The following P2RX5 variants were observed in gnomAD, a reference collection of about 807,000 sequenced individuals.
P2RX5 encodes the protein purinergic receptor P2X 5, also known as P2X purinoceptor 5.
A neutral mutation model predicts 54.1 loss-of-function variants in P2RX5; 46 were observed. The ratio of observed to expected loss-of-function variants is 0.85; its 90% CI spans 0.67 to 1.09. The LOEUF is 1.09. P2RX5 is among the 50% of genes least tolerant of loss of function. P2RX5 has a pLI of 0.00. For missense variants in P2RX5, 566 were observed against 549.8 expected, an observed-to-expected ratio of 1.03 and a Z score of -0.29; for synonymous variants, 226 against 226.4, an observed-to-expected ratio of 1.00 and a Z score of 0.02.
the P2RX5 span, among the ~76,000 whole-genome samples, chr17:3,706,630 G>A: frequency 6.6e-6 from 1 of 152,174 alleles, no homozygotes; most frequent in African/African-American, 2.4e-5. Context: ...TCCAAGCCAA[G>A]CTAGAGCGTC....
At chr17:3,712,987 A>C in the P2RX5 span, among the ~76,000 whole-genome samples, 1 of 151,944 alleles carries the variant, frequency 6.6e-6, no homozygotes, top group African/African-American at 2.4e-5. Context: ...AGATAAGATA[A>C]ACATTCAAAA....
chr17:3,701,746 G>GTT, the P2RX5 span, among the ~76,000 whole-genome samples: 49 of 106,402 alleles, frequency 4.6e-4, no homozygotes, highest in East Asian at 5.9e-4. Flanking sequence ...CATTTTCTCT[G>GTT]TTTTTTTTTT....
In P2RX5 at chr17:3,679,607, C is replaced by T. The variant is rs771421479; in HGVS notation, c.1242G>A (p.Gln414=). ...SQKGNGSVCP[Q]LLEPHRST is the part of the protein sequence containing the mutation. ...GGCCTCACCTGTGGGGCTCCAGGAGCTGTGGGCACACAGATCCGTTCCCCT... is the reference window on the plus strand; with the variant it reads ...GGCCTCACCTGTGGGGCTCCAGGAGTTGTGGGCACACAGATCCGTTCCCCT... The change falls in exon 11 of 12, where the codon CAG becomes CAA. Residue 414 remains glutamine (Q), a synonymous_variant. Transcript: ENST00000225328. The T allele has an allele frequency of 9.3e-6, 15 of 1,607,814 alleles. No individual in the cohort carries two copies. The highest frequency in any genetic ancestry group is 3.3e-4 in the Middle Eastern group (2 of 6,058).
the P2RX5 span, chr17:3,720,227 G>T: frequency 1.4e-6 from 1 of 704,784 alleles, no homozygotes; most frequent in South Asian, 1.6e-5. Context: ...CAGGAAGAGG[G>T]CAACAGAATG....
Position 3,691,709 on chromosome 17 carries a change from AG to A in P2RX5, c.222del (p.Phe75SerfsTer33), listed in dbSNP as rs1332536370. 1 of 1,614,208 alleles carries A rather than the reference AG, an allele frequency of 6.2e-7. No individual in the cohort carries two copies. Among genetic ancestry groups the A allele is most frequent in the East Asian group, 2.2e-5 (1 of 44,882 alleles). On this transcript the variant is annotated frameshift_variant, in exon 2 of 12. Transcript: ENST00000225328. LOFTEE classifies it high-confidence loss of function. ...TGCCCAAGATCCGAGGTGTTGGTGA[AG>A]GCCACGCCCTTGACTTTGGTGATGA... is the stretch of plus-strand genomic sequence containing the variant. ...SAVITKVKGV[A>X]FTNTSDLGQR...
In P2RX5 at chr17:3,690,825, C is replaced by A. The variant is rs1207057481; in HGVS notation, c.360+131G>T. 3 of 1,145,160 alleles carry A rather than the reference C, an allele frequency of 2.6e-6. No individual in the cohort carries two copies. The African/African-American group carries it at 4.6e-5, about 17-fold the overall frequency. 70.9% of individuals were successfully genotyped at this position (1,145,160 alleles called of 1,614,324 possible). A position where few individuals can be genotyped will look rare whatever the true frequency, so the allele number is the denominator to read the frequency against. On this transcript the variant is annotated intron_variant, in intron 3 of 11. Transcript: ENST00000225328. ...ACTTCTCCCCCATATAATGCAGGAA[C>A]CACACCCGGGTGCACACAGCCACCC...
the P2RX5 span, among the ~76,000 whole-genome samples, chr17:3,710,797 A>G: frequency 9.2e-5 from 14 of 152,106 alleles, no homozygotes; most frequent in East Asian, 1.9e-3. Context: ...GCGTGGCGGC[A>G]TGCACCTGCA....
chr17:3,689,529 C>T lies in P2RX5; in HGVS notation c.716G>A (p.Arg239His), dbSNP rs201713534. Residue 239 changes from arginine (R) to histidine (H), a missense_variant, in exon 7 of 12, where the codon CGC becomes CAC. Physicochemically the swap from Arg to His is conservative, Grantham distance 29. Transcript: ENST00000225328. ...ATCCTGGAAGTCGCTCCCGGCCCAG[C>T]GGATCACGGAGCCCAGTCGGAAGAT... is the stretch of plus-strand genomic sequence containing the variant. Reference protein sequence around the residue: ...CPIFRLGSVIRWAGSDFQDIA... With the variant: ...CPIFRLGSVIHWAGSDFQDIA... 12 of 1,614,034 alleles carry T rather than the reference C, an allele frequency of 7.4e-6. No individual in the cohort carries two copies. Among genetic ancestry groups the T allele is most frequent in the Middle Eastern group, 1.6e-4 (1 of 6,084 alleles).
chr17:3,688,386 C>T (rs77517893), intron 8 of P2RX5, among the ~76,000 whole-genome samples: 2 of 152,190 alleles, frequency 1.3e-5, no homozygotes, highest in Admixed American at 6.5e-5. Context: ...CGGCAGAGGC[C>T]GCAAGACTCG....
At chr17:3,679,132 CT>C (rs1238657829) in intron 11 of P2RX5, among the ~76,000 whole-genome samples, 2 of 152,224 alleles carry the variant, frequency 1.3e-5, no homozygotes, top group African/African-American at 4.8e-5. Context: ...CCTACAGACA[CT>C]GCCGGGATTC....
At chr17:3,719,900 G>T in the P2RX5 span, among the ~76,000 whole-genome samples, 1 of 151,896 alleles carries the variant, frequency 6.6e-6, no homozygotes, top group African/African-American at 2.4e-5. Flanking sequence ...GCTAATTTTT[G>T]TATTTTTGGT....
At chr17:3,715,980 C>T in the P2RX5 span, among the ~76,000 whole-genome samples, 1 of 152,048 alleles carries the variant, frequency 6.6e-6, no homozygotes. Context: ...TATGGTGAAA[C>T]CCCGTCTCTA....
upstream of P2RX5, among the ~76,000 whole-genome samples, chr17:3,698,650 T>C (rs1188404400): frequency 6.6e-6 from 1 of 152,146 alleles, no homozygotes; most frequent in East Asian, 1.9e-4. Flanking sequence ...ACTGTGGCTT[T>C]AGAGAAGGGC....
chr17:3,689,326 T>G (rs2050536158), intron 7 of P2RX5, among the ~76,000 whole-genome samples, 166 bp downstream of exon 7: 2 of 151,148 alleles, frequency 1.3e-5, no homozygotes, highest in Non-Finnish European at 3.0e-5. Flanking sequence ...TGCCACGGCC[T>G]GCCTGTGTGC....
intron 6 of P2RX5, 86 bp from the exon 7 acceptor site, chr17:3,689,716 C>T: frequency 6.4e-7 from 1 of 1,561,454 alleles, no homozygotes; most frequent in Non-Finnish European, 8.8e-7. Flanking sequence ...CCCTCACCAA[C>T]CTGAGTGCTG....
At chr17:3,694,230 G>GAAA (rs5818908) in intron 1 of P2RX5, among the ~76,000 whole-genome samples, 14 of 124,666 alleles carry the variant, frequency 1.1e-4, no homozygotes, top group Non-Finnish European at 1.6e-4. Context: ...AAAGAAGCCA[G>GAAA]AAAAAAAAAA....
In P2RX5 at chr17:3,695,787, T is replaced by A. The variant is rs570708982; in HGVS notation, c.137+82A>T. 16 of 1,565,970 alleles carry A rather than the reference T, an allele frequency of 1.0e-5. No homozygotes were observed. The African/African-American group carries it at 2.0e-4, about 20-fold the overall frequency. ...GAAAACCGCGTGCACGCCTGCGAAT[T>A]CCAGGACCCTGGAGAAGGACGCGGC... On this transcript the variant is annotated intron_variant, in intron 1 of 11. Transcript: ENST00000225328.
upstream of P2RX5, among the ~76,000 whole-genome samples, chr17:3,697,583 C>T (rs2050783620): frequency 6.6e-6 from 1 of 152,076 alleles, no homozygotes; most frequent in African/African-American, 2.4e-5. Flanking sequence ...GTAAAAGCCC[C>T]AAGGAAGGTG....
At chr17:3,705,895 G>C in the P2RX5 span, among the ~76,000 whole-genome samples, 2 of 151,718 alleles carry the variant, frequency 1.3e-5, no homozygotes, top group Non-Finnish European at 2.9e-5. Context: ...TCCTTGGGCT[G>C]AGGTGATCCT....
Sources: allele counts gnomAD v4.1 joint callset (sites outside exome capture counted in the v4.1 genomes callset), GRCh38; gene constraint gnomAD v4.1.1; transcripts MANE v1.5; gene names NCBI Gene and HGNC (gene_info 2026-07-23, HGNC 2026-07-21).